JPH3: variants seen among roughly 807,000 people sequenced by gnomAD.
JPH3 encodes junctophilin 3, also known as junctophilin-3.
In JPH3, 11 loss-of-function variants were observed where a neutral mutation model predicts 59.6. That is an observed-to-expected ratio of 0.18 (90% CI 0.12 to 0.31). JPH3 has a LOEUF of 0.31. Among genes scored for constraint, JPH3 ranks in the 10% least tolerant of loss-of-function variants. JPH3 has a pLI of 1.00. For missense variants in JPH3, 1,202 were observed against 1,105.7 expected, an observed-to-expected ratio of 1.09 and a Z score of -1.24; for synonymous variants, 673 against 483.6, an observed-to-expected ratio of 1.39 and a Z score of -5.14.
intron 2 of JPH3, among the ~76,000 whole-genome samples, chr16:87,665,239 T>C (rs1180425948): frequency 1.3e-5 from 2 of 152,162 alleles, no homozygotes; most frequent in Admixed American, 6.5e-5. Context: ...CCTGAGCCGA[T>C]TGGCTGCCCG....
rs1193063358 is a variant in JPH3 at position 87,684,208 on chromosome 16, G to A, written c.1227G>A (p.Ala409=). Residue 409 remains alanine, a synonymous_variant, in exon 3 of 5, where the codon GCG becomes GCA. Coordinates refer to ENST00000284262, the MANE Select transcript of JPH3 (RefSeq NM_020655.4). ...CAGCTCAGAAAGCCCAGGAGGAGGC[G>A]CGGATCGCCAGGATCACTGCCAAAG... ...LTAAQKAQEE[A]RIARITAKEF... is the part of the protein sequence containing the mutation. 11 of 1,613,866 alleles carry A rather than the reference G, an allele frequency of 6.8e-6. No homozygotes were observed. The highest frequency in any genetic ancestry group is 6.6e-5 in the South Asian group (6 of 91,076).
intron 2 of JPH3, among the ~76,000 whole-genome samples, chr16:87,658,074 C>G (rs1241443375): frequency 6.6e-6 from 1 of 152,170 alleles, no homozygotes; most frequent in Non-Finnish European, 1.5e-5. Flanking sequence ...GTCTCCTACC[C>G]CGGAAGGCAC....
chr16:87,656,169 T>G (rs2150854936), intron 2 of JPH3, among the ~76,000 whole-genome samples: 1 of 152,324 alleles, frequency 6.6e-6, no homozygotes, highest in African/African-American at 2.4e-5. Context: ...CCCGCCTATC[T>G]CAGAGCACAC....
At chr16:87,666,576 T>C (rs939604126) in intron 2 of JPH3, among the ~76,000 whole-genome samples, 1 of 152,022 alleles carries the variant, frequency 6.6e-6, no homozygotes, top group East Asian at 1.9e-4. Flanking sequence ...TAAAATTTTT[T>C]TGTAGAGATA....
chr16:87,639,560 C>T (rs568868353), intron 1 of JPH3, among the ~76,000 whole-genome samples: 1 of 152,196 alleles, frequency 6.6e-6, no homozygotes, highest in South Asian at 2.1e-4. Context: ...TCTCATCTTC[C>T]CAAACCGAAA....
chr16:87,681,601 G>T, intron 2 of JPH3, among the ~76,000 whole-genome samples: 1 of 139,640 alleles, frequency 7.2e-6, no homozygotes, highest in East Asian at 2.2e-4. Context: ...TGCGCGCGGT[G>T]ATGACAGTGC....
intron 1 of JPH3, among the ~76,000 whole-genome samples, chr16:87,622,973 T>C (rs1202655148): frequency 1.3e-5 from 2 of 152,044 alleles, no homozygotes; most frequent in African/African-American, 4.8e-5. Flanking sequence ...ACTACCTGGG[T>C]CCCACAGGGG....
At chr16:87,605,331 T>TCCTCAA (rs1280290826) in intron 1 of JPH3, among the ~76,000 whole-genome samples, 1 of 152,206 alleles carries the variant, frequency 6.6e-6, no homozygotes, top group African/African-American at 2.4e-5. Flanking sequence ...ATCATTTCTT[T>TCCTCAA]CATTCAACAA....
At chr16:87,608,764 G>A (rs2030624048) in intron 1 of JPH3, among the ~76,000 whole-genome samples, 1 of 152,190 alleles carries the variant, frequency 6.6e-6, no homozygotes, top group African/African-American at 2.4e-5. Flanking sequence ...TGTGCCAGAT[G>A]TGGGGGCCAC....
chr16:87,691,291 C>T (rs1289473927), intron 4 of JPH3, among the ~76,000 whole-genome samples: 1 of 152,194 alleles, frequency 6.6e-6, no homozygotes, highest in Non-Finnish European at 1.5e-5. Flanking sequence ...ACCAGTGCTG[C>T]AGGAATGAAG....
intron 1 of JPH3, among the ~76,000 whole-genome samples, chr16:87,615,035 C>T (rs2030903019): frequency 6.6e-6 from 1 of 150,944 alleles, no homozygotes; most frequent in Admixed American, 6.6e-5. Flanking sequence ...AGCCGCGCGT[C>T]CCCTCCCGGG....
chr16:87,662,233 C>T (rs549069117), intron 2 of JPH3, among the ~76,000 whole-genome samples: 8 of 152,242 alleles, frequency 5.3e-5, no homozygotes, highest in South Asian at 2.1e-4. Flanking sequence ...AGATATCCTA[C>T]GCTGCCGAGA....
At chr16:87,684,289 C>A (rs778953009) in intron 3 of JPH3, 23 bp downstream of exon 3, 1 of 1,612,690 alleles carries the variant, frequency 6.2e-7, no homozygotes, top group Admixed American at 1.7e-5. Flanking sequence ...GGGCCTGATA[C>A]TGGCATCGTG....
Position 87,696,708 on chromosome 16 carries a change from A to G in JPH3, c.*48A>G, listed in dbSNP as rs2033875345. 5 of 1,483,312 alleles carry G rather than the reference A, an allele frequency of 3.4e-6. No individual in the cohort carries two copies. The highest frequency in any genetic ancestry group is 1.1e-5 in the South Asian group (1 of 88,418). 91.9% of individuals were successfully genotyped at this position (1,483,312 alleles called of 1,614,324 possible). A position where few individuals can be genotyped will look rare whatever the true frequency, so the allele number is the denominator to read the frequency against. ...TAGAGAAAGGGTAGAAAAAAGGGAC[A>G]TTAAAATTAAAAGCAAAACCACAAG... is the stretch of plus-strand genomic sequence containing the variant. On this transcript the variant is annotated 3_prime_UTR_variant, in exon 5 of 5. Coordinates refer to ENST00000284262, the MANE Select transcript of JPH3 (RefSeq NM_020655.4).
chr16:87,612,851 T>A (rs2030781146), intron 1 of JPH3, among the ~76,000 whole-genome samples: 1 of 151,738 alleles, frequency 6.6e-6, no homozygotes, highest in South Asian at 2.1e-4. Context: ...ACCCCGTCTC[T>A]ACTAAAAATA....
intron 1 of JPH3, among the ~76,000 whole-genome samples, chr16:87,616,872 G>A (rs1351040843): frequency 1.3e-5 from 2 of 152,176 alleles, no homozygotes; most frequent in Admixed American, 1.3e-4. Context: ...GTCATTTTGG[G>A]GCTGGCTTTC....
At position 87,697,132 on chromosome 16, in the gene JPH3, A is replaced by C. The variant is rs1173549909; in HGVS notation, c.*472A>C. ...TTTCTCTGTCTAGAACAGACGGGTG[A>C]CAAGTATGGGCAGGAGGCATGGGGC... On this transcript the variant is annotated 3_prime_UTR_variant, in exon 5 of 5. Coordinates refer to ENST00000284262, the MANE Select transcript of JPH3 (RefSeq NM_020655.4). 4.8e-6 allele frequency: 1 copy of C among 208,336 alleles called. No homozygotes were observed. Among genetic ancestry groups the C allele is most frequent in the Non-Finnish European group, 9.8e-6 (1 of 101,858 alleles). 12.9% of individuals were successfully genotyped at this position (208,336 alleles called of 1,614,324 possible). A position where few individuals can be genotyped will look rare whatever the true frequency, so the allele number is the denominator to read the frequency against.
At chr16:87,646,313 C>G (rs1450980707) in intron 2 of JPH3, among the ~76,000 whole-genome samples, 1 of 152,226 alleles carries the variant, frequency 6.6e-6, no homozygotes, top group Non-Finnish European at 1.5e-5. Flanking sequence ...CTCGCGACTT[C>G]TATTGTTTTA....
intron 1 of JPH3, among the ~76,000 whole-genome samples, chr16:87,605,176 G>A (rs566187857): frequency 6.6e-6 from 1 of 152,334 alleles, no homozygotes; most frequent in Admixed American, 6.5e-5. Context: ...GCTCCAGGAG[G>A]ACTGTGCAGG....
Sources: gnomAD v4.1 joint callset for allele counts (sites outside exome capture counted in the v4.1 genomes callset) on GRCh38, gnomAD v4.1.1 for gene constraint, MANE v1.5 for transcripts, NCBI Gene and HGNC (gene_info 2026-07-23, HGNC 2026-07-21) for gene names.